The following C12orf42 variants were observed in gnomAD, a reference collection of about 807,000 sequenced individuals.
C12orf42 encodes chromosome 12 open reading frame 42.
Under a neutral mutation model 21.6 loss-of-function variants are expected in C12orf42, and 25 were observed. That is an observed-to-expected ratio of 1.16 (90% CI 0.84 to 1.62). The LOEUF (loss-of-function observed/expected upper bound fraction) is 1.62. Among genes scored for constraint, C12orf42 ranks in the 40% most tolerant of loss-of-function variants. The pLI, the probability that C12orf42 is intolerant of heterozygous loss-of-function variation, is 0.00. For missense variants in C12orf42, 483 were observed against 459.3 expected, an observed-to-expected ratio of 1.05 and a Z score of -0.47; for synonymous variants, 174 against 175.0, an observed-to-expected ratio of 0.99 and a Z score of 0.05.
At chr12:103,299,504 A>G (rs950202732), downstream of C12orf42, among the ~76,000 whole-genome samples, 3 of 152,148 alleles carry the variant, frequency 2.0e-5, no homozygotes, top group African/African-American at 7.2e-5. Flanking sequence ...ATATTTTTCC[A>G]TGAAGTGGCA....
chr12:103,152,820 C>T, the C12orf42 span, among the ~76,000 whole-genome samples: 1 of 151,836 alleles, frequency 6.6e-6, no homozygotes, highest in Non-Finnish European at 1.5e-5. Context: ...GACTTTTATA[C>T]TAAAAGCTAT....
At chr12:103,068,946 T>C in the C12orf42 span, among the ~76,000 whole-genome samples, 2 of 41,578 alleles carry the variant, frequency 4.8e-5, no homozygotes, top group South Asian at 7.5e-4. Flanking sequence ...TATATATATA[T>C]ATATATATAT....
chr12:103,434,522 G>T (rs1950513858), intron 2 of C12orf42, among the ~76,000 whole-genome samples: 1 of 152,140 alleles, frequency 6.6e-6, no homozygotes, highest in African/African-American at 2.4e-5. Flanking sequence ...GCCAGACAGT[G>T]GGTGCAGGTC....
At chr12:103,089,859 G>A in the C12orf42 span, among the ~76,000 whole-genome samples, 2 of 152,126 alleles carry the variant, frequency 1.3e-5, no homozygotes, top group African/African-American at 4.8e-5. Flanking sequence ...ACAAAACAGG[G>A]CCTGAAGGTG....
At chr12:103,116,286 C>A in the C12orf42 span, among the ~76,000 whole-genome samples, 1 of 151,340 alleles carries the variant, frequency 6.6e-6, no homozygotes, top group South Asian at 2.1e-4. Flanking sequence ...ATCGCTTGAA[C>A]CTGGGAGGCA....
the C12orf42 span, among the ~76,000 whole-genome samples, chr12:103,554,975 C>T: frequency 1.3e-5 from 2 of 152,126 alleles, no homozygotes; most frequent in South Asian, 4.2e-4. Flanking sequence ...TGGGAAAGGA[C>T]GGTAGGCAAA....
intron 2 of C12orf42, among the ~76,000 whole-genome samples, chr12:103,474,454 A>ATGTATGTATGTG (rs1555212293): frequency 5.9e-4 from 88 of 149,372 alleles, no homozygotes; most frequent in Middle Eastern, 3.4e-3. Context: ...GTATGTATGT[A>ATGTATGTATGTG]TGTGTGTGTG....
Position 103,302,034 on chromosome 12 carries a change from G to A in C12orf42, c.*74C>T. 1.4e-6 allele frequency: 2 copies of A among 1,443,348 alleles called. No individual in the cohort carries two copies. Among genetic ancestry groups the A allele is most frequent in the Non-Finnish European group, 1.9e-6 (2 of 1,058,836 alleles). 89.4% of individuals were successfully genotyped at this position (1,443,348 alleles called of 1,614,324 possible). On this transcript the variant is annotated 3_prime_UTR_variant, in exon 6 of 6. Transcript: ENST00000548883. ...GTTCTGTGGAAACCAGTACATCTGA[G>A]GCCCTTTCTGTTGTTCTGAGCAGGC...
At chr12:103,375,730 T>C (rs2045636472) in intron 3 of C12orf42, among the ~76,000 whole-genome samples, 1 of 152,226 alleles carries the variant, frequency 6.6e-6, no homozygotes. Context: ...ATTTTAGTAT[T>C]ATTAACTACC....
chr12:103,057,489 A>G, the C12orf42 span, among the ~76,000 whole-genome samples: 1 of 152,196 alleles, frequency 6.6e-6, no homozygotes, highest in East Asian at 1.9e-4. Flanking sequence ...GCTGAGAATG[A>G]TGGCTTCCGG....
At chr12:103,458,489 T>C (rs1952465766) in intron 2 of C12orf42, among the ~76,000 whole-genome samples, 3 of 152,188 alleles carry the variant, frequency 2.0e-5, no homozygotes, top group Non-Finnish European at 4.4e-5. Context: ...CCTTACTTAC[T>C]GTCTCTGCAT....
chr12:103,533,642 T>C, the C12orf42 span, among the ~76,000 whole-genome samples: 1 of 152,264 alleles, frequency 6.6e-6, no homozygotes, highest in Non-Finnish European at 1.5e-5. Flanking sequence ...TTGAAATATA[T>C]GAAATTGACA....
chr12:103,362,023 G>C (rs2044160241), intron 4 of C12orf42, among the ~76,000 whole-genome samples: 1 of 152,136 alleles, frequency 6.6e-6, no homozygotes, highest in African/African-American at 2.4e-5. Flanking sequence ...CCTCTTGAAA[G>C]TGCCACTTCC....
intron 2 of C12orf42, among the ~76,000 whole-genome samples, chr12:103,459,152 C>G (rs912228410): frequency 6.6e-6 from 1 of 152,098 alleles, no homozygotes; most frequent in African/African-American, 2.4e-5. Context: ...CCCGTATTTC[C>G]CAGGAAGGGC....
intron 4 of C12orf42, among the ~76,000 whole-genome samples, chr12:103,286,837 T>C (rs559776794): frequency 2.2e-4 from 34 of 152,022 alleles, no homozygotes; most frequent in African/African-American, 8.2e-4. Context: ...AACAGGAATG[T>C]GTTGGGTACG....
chr12:103,478,396 C>T lies in C12orf42; in HGVS notation c.31G>A (p.Glu11Lys). The T allele has an allele frequency of 6.2e-7, 1 of 1,600,058 alleles. No homozygotes were observed. The highest frequency in any genetic ancestry group is 8.5e-7 in the Non-Finnish European group (1 of 1,170,926). The change falls in exon 2 of 6, where the codon GAA (glutamate) becomes AAA (lysine). Residue 11 changes from glutamate to lysine, a missense_variant. Physicochemically the swap from Glu to Lys is moderately conservative, Grantham distance 56 (BLOSUM62 1). Coordinates refer to ENST00000548883, the MANE Select transcript of C12orf42 (RefSeq NM_198521.5). Reference protein sequence around the residue: MSTVICMKQREEEFLLTIRPF... With the variant: MSTVICMKQRKEEFLLTIRPF... ...CTGATGGTTAGCAAGAATTCTTCTT[C>T]CCTTTGTTTCATACATATCACTGTA...
chr12:103,203,339 T>G, the C12orf42 span, among the ~76,000 whole-genome samples: 1 of 152,196 alleles, frequency 6.6e-6, no homozygotes, highest in Non-Finnish European at 1.5e-5. Flanking sequence ...TTTGTTTTAT[T>G]TTTTCAATTT....
chr12:103,055,819 G>A, the C12orf42 span, among the ~76,000 whole-genome samples: 302 of 152,120 alleles, frequency 2.0e-3, no homozygotes, highest in Non-Finnish European at 3.2e-3. Context: ...GCAATATTTA[G>A]AAGTGTATTG....
At chr12:103,484,587 A>T (rs775629024) in intron 1 of C12orf42, among the ~76,000 whole-genome samples, 7 of 151,914 alleles carry the variant, frequency 4.6e-5, no homozygotes, top group Non-Finnish European at 8.8e-5. Context: ...ATTGCAAAAA[A>T]TTTTCTCCCA....
Sources: gnomAD v4.1 joint callset for allele counts (sites outside exome capture counted in the v4.1 genomes callset) on GRCh38, gnomAD v4.1.1 for gene constraint, MANE v1.5 for transcripts, NCBI Gene and HGNC (gene_info 2026-07-23, HGNC 2026-07-21) for gene names.